NHSL2: variants seen among roughly 807,000 people sequenced by gnomAD.
NHSL2 encodes NHS like 2, also known as NHS-like protein 2.
NHSL2 carries 27 observed loss-of-function variants against 53.4 expected under a neutral mutation model. The observed-to-expected ratio is 0.51, with a 90% CI of 0.37 to 0.70. The LOEUF is 0.70. Ranked by LOEUF, NHSL2 falls within the 30% of genes least tolerant of loss-of-function variation. The probability of loss-of-function intolerance (pLI) is 0.00; values close to 1 mark genes in which losing one functional copy is unlikely to be tolerated. For synonymous variants in NHSL2, 408 were observed against 404.1 expected (o/e 1.01, Z -0.12); for missense variants, 892 against 980.1 (o/e 0.91, Z 1.20).
intron 1 of NHSL2, among the ~76,000 whole-genome samples, chrX:72,065,806 A>G (rs1350241952): frequency 2.7e-5 from 3 of 111,976 alleles, no homozygotes; most frequent in Admixed American, 9.5e-5. Flanking sequence ...TCTGACCACA[A>G]AGCTTTTCCC....
At chrX:71,989,912 C>T (rs747883686) in intron 1 of NHSL2, among the ~76,000 whole-genome samples, 40 of 112,647 alleles carry the variant, frequency 3.6e-4, no homozygotes, top group Admixed American at 2.5e-3. Context: ...AGAAGTCCCA[C>T]GTGGTCCCTG....
At chrX:71,982,477 C>A (rs913467552) in intron 1 of NHSL2, among the ~76,000 whole-genome samples, 1 of 111,950 alleles carries the variant, frequency 8.9e-6, no homozygotes, top group Non-Finnish European at 1.9e-5. Context: ...TATGAGTTGA[C>A]TGATGGTTGG....
At chrX:72,135,399 A>C (rs187088270) in intron 4 of NHSL2, among the ~76,000 whole-genome samples, 28 of 111,245 alleles carry the variant, frequency 2.5e-4, no homozygotes, top group Non-Finnish European at 5.1e-4. Flanking sequence ...CATGATCTAC[A>C]CTCCATCAGC....
At chrX:72,007,448 C>G (rs68175553) in intron 1 of NHSL2, among the ~76,000 whole-genome samples, 10,779 of 112,065 alleles carry the variant, frequency 0.096, 1,282 homozygotes, top group African/African-American at 0.33. Flanking sequence ...AGCAGCACTG[C>G]CATGTAAGAG....
At chrX:71,944,150 C>T (rs2041781850) in intron 1 of NHSL2, among the ~76,000 whole-genome samples, 1 of 112,443 alleles carries the variant, frequency 8.9e-6, no homozygotes, top group Non-Finnish European at 1.9e-5. Flanking sequence ...CCAATGCCTG[C>T]CCACCTCACT....
At chrX:72,130,840 G>T (rs781206301) in intron 1 of NHSL2, 2 of 1,211,517 alleles carry the variant, frequency 1.7e-6, no homozygotes, top group Non-Finnish European at 1.1e-6. Flanking sequence ...AGCCACACGT[G>T]GGGGGATGGG....
chrX:72,103,277 A>C (rs1425496946), intron 1 of NHSL2, among the ~76,000 whole-genome samples: 1 of 111,249 alleles, frequency 9.0e-6, no homozygotes, highest in East Asian at 2.8e-4. Context: ...CCAATCCTAG[A>C]TGTAAAGGTC....
chrX:72,107,239 C>T (rs1261542032), intron 1 of NHSL2, among the ~76,000 whole-genome samples: 3 of 109,816 alleles, frequency 2.7e-5, no homozygotes, highest in Admixed American at 9.7e-5. Context: ...CTGGCTAACA[C>T]GGTGAAACCC....
chrX:71,993,735 T>A (rs2042037503), intron 1 of NHSL2, among the ~76,000 whole-genome samples: 1 of 111,331 alleles, frequency 9.0e-6, no homozygotes, highest in Non-Finnish European at 1.9e-5. Context: ...CACGCAGGGC[T>A]ACACTCCCCA....
intron 1 of NHSL2, among the ~76,000 whole-genome samples, chrX:72,033,421 G>A (rs987253188): frequency 6.3e-5 from 7 of 111,704 alleles, no homozygotes; most frequent in Non-Finnish European, 1.3e-4. Flanking sequence ...TCTTGACCTT[G>A]TGATCCACCC....
intron 1 of NHSL2, among the ~76,000 whole-genome samples, chrX:71,984,850 G>T (rs1249833421): frequency 1.0e-5 from 1 of 97,524 alleles, no homozygotes; most frequent in Non-Finnish European, 2.0e-5. Flanking sequence ...TTGAGATGGA[G>T]TCTTGCTCTG....
chrX:71,958,465 C>T (rs1335193582), intron 1 of NHSL2, among the ~76,000 whole-genome samples: 1 of 112,042 alleles, frequency 8.9e-6, no homozygotes, highest in Admixed American at 9.4e-5. Flanking sequence ...ACAATAGTTT[C>T]TGGCTCACTT....
chrX:71,973,888 C>T (rs771448483), intron 1 of NHSL2, among the ~76,000 whole-genome samples: 48 of 111,244 alleles, frequency 4.3e-4, no homozygotes, highest in Non-Finnish European at 7.0e-4. Flanking sequence ...AGCTGAAACC[C>T]GTAGACTTGG....
intron 1 of NHSL2, among the ~76,000 whole-genome samples, chrX:72,036,495 A>G (rs924788561): frequency 6.2e-5 from 7 of 112,341 alleles, no homozygotes; most frequent in African/African-American, 2.3e-4. Context: ...GTTTTACTCA[A>G]CTTCTTGAAC....
At chrX:72,136,994 T>C in intron 4 of NHSL2, 100 bp from the exon 5 acceptor site, 1 of 745,930 alleles carries the variant, frequency 1.3e-6, no homozygotes, top group South Asian at 2.7e-5. Context: ...ATGCTATTCA[T>C]GCTTATCACG....
chrX:72,137,134 G>GT lies in NHSL2; in HGVS notation c.804dup (p.Asn269Ter). 1.7e-6 allele frequency: 2 copies of GT among 1,165,614 alleles called. No homozygotes were observed. Among genetic ancestry groups the GT allele is most frequent in the Non-Finnish European group, 2.3e-6 (2 of 870,749 alleles). On this transcript the variant is annotated frameshift_variant, in exon 5 of 8. Transcript: ENST00000633930. LOFTEE classifies it high-confidence loss of function. ...AACATGCAAGTTTGCGACACTCGTT[G>GT]TTTAACACAGAGACAGCCGTGAACC...
Position 72,117,631 on chromosome X carries a change from G to A in NHSL2, c.281-14448G>A, listed in dbSNP as rs189154249. On this transcript the variant is annotated intron_variant, in intron 1 of 7. Transcript: ENST00000633930. ...CCCCAGCCCTAGGCAACCACTAATCGACTTTGTGTCTTAATGGATCTGTCT... is the reference window on the plus strand; with the variant it reads ...CCCCAGCCCTAGGCAACCACTAATCAACTTTGTGTCTTAATGGATCTGTCT... Among the ~76,000 whole-genome samples the A allele has an allele frequency of 9.1e-5, 10 of 109,547 alleles. No individual in the cohort carries two copies. The East Asian group carries it at 2.9e-3, about 31-fold the overall frequency.
At chrX:72,004,671 GC>G (rs1048014687) in intron 1 of NHSL2, among the ~76,000 whole-genome samples, 4 of 106,614 alleles carry the variant, frequency 3.8e-5, no homozygotes, top group Admixed American at 1.0e-4. Context: ...CACCCCCGCA[GC>G]CCCCTACCGC....
chrX:71,975,124 A>G (rs1271434439), intron 1 of NHSL2, among the ~76,000 whole-genome samples: 2 of 111,556 alleles, frequency 1.8e-5, no homozygotes, highest in East Asian at 2.8e-4. Context: ...AGAGGCAGAT[A>G]CCAACCCATC....
Sources: gnomAD v4.1 joint callset for allele counts (sites outside exome capture counted in the v4.1 genomes callset) on GRCh38, gnomAD v4.1.1 for gene constraint, MANE v1.5 for transcripts, NCBI Gene and HGNC (gene_info 2026-07-23, HGNC 2026-07-21) for gene names.